Variants in TMEM255B observed in about 807,000 individuals in gnomAD.
TMEM255B encodes the protein transmembrane protein 255B, also known as family with sequence similarity 70, member B.
TMEM255B carries 35 observed loss-of-function variants against 34.5 expected under a neutral mutation model. The observed-to-expected ratio is 1.01, with a 90% CI of 0.77 to 1.34. The LOEUF is 1.34. TMEM255B is among the 40% of genes most tolerant of loss of function. The probability of loss-of-function intolerance (pLI) is 0.00; values close to 1 mark genes in which losing one functional copy is unlikely to be tolerated. For missense variants in TMEM255B, 432 were observed against 433.2 expected, an observed-to-expected ratio of 1.00 and a Z score of 0.02; for synonymous variants, 206 against 201.2, an observed-to-expected ratio of 1.02 and a Z score of -0.20.
chr13:113,801,695 C>T lies in TMEM255B; in HGVS notation c.552C>T (p.Ser184=), dbSNP rs775063208. The T allele has an allele frequency of 5.4e-5, 87 of 1,611,168 alleles. 1 individual carries two copies. Among genetic ancestry groups the T allele is most frequent in the Middle Eastern group, 1.6e-4 (1 of 6,070 alleles). Residue 184 remains serine, a synonymous_variant, in exon 7 of 9, where the codon AGC becomes AGT. Transcript: ENST00000375353. The part of the protein sequence containing the change: ...SPAYYEFIGV[S]GCQDVLHLYR... Reference sequence around the variant, plus strand: ...CCTACTATGAGTTCATCGGCGTCAGCGGCTGCCAGGACGTGCTGCACCTGT... The same window carrying T: ...CCTACTATGAGTTCATCGGCGTCAGTGGCTGCCAGGACGTGCTGCACCTGT...
chr13:113,777,961 G>A (rs2050606701), intron 3 of TMEM255B, among the ~76,000 whole-genome samples: 2 of 152,344 alleles, frequency 1.3e-5, no homozygotes, highest in Non-Finnish European at 1.5e-5. Flanking sequence ...TTTCCTGGAC[G>A]ACTGTGGACC....
chr13:113,796,287 C>A (rs111164479), intron 4 of TMEM255B, among the ~76,000 whole-genome samples: 2 of 145,152 alleles, frequency 1.4e-5, no homozygotes, highest in East Asian at 2.2e-4. Context: ...ACAGAGCACA[C>A]GCCTCACACA....
chr13:113,800,496 A>T (rs1397820227), intron 5 of TMEM255B, among the ~76,000 whole-genome samples: 1 of 152,046 alleles, frequency 6.6e-6, no homozygotes, highest in African/African-American at 2.4e-5. Context: ...TGTGCACCCC[A>T]CGCCGAAGGC....
intron 3 of TMEM255B, among the ~76,000 whole-genome samples, chr13:113,779,249 G>C (rs1016715300): frequency 1.3e-5 from 2 of 152,210 alleles, no homozygotes; most frequent in African/African-American, 2.4e-5. Context: ...ACTTAAAATG[G>C]TGGTGTTTGT....
chr13:113,808,449 C>T (rs549247520), intron 8 of TMEM255B, among the ~76,000 whole-genome samples: 50 of 152,292 alleles, frequency 3.3e-4, no homozygotes, highest in African/African-American at 1.2e-3. Flanking sequence ...AGTGGTTAAC[C>T]CCGTGGTCCC....
In TMEM255B at chr13:113,769,229, C is replaced by G; in HGVS notation, c.252+69C>G. The G allele has an allele frequency of 6.4e-7, 1 of 1,564,226 alleles. No individual in the cohort carries two copies. Among genetic ancestry groups the G allele is most frequent in the Non-Finnish European group, 8.8e-7 (1 of 1,135,426 alleles). On this transcript the variant is annotated intron_variant, in intron 3 of 8. Coordinates refer to ENST00000375353, the MANE Select transcript of TMEM255B (RefSeq NM_182614.4). The surrounding 1 kb of genome is among the most constrained non-coding windows in gnomAD (Gnocchi z 4.2). The stretch of plus-strand genomic sequence containing the variant: ...AGGGGATGGTACAGCTGCACTGGGG[C>G]TCTGAGAAGAGTCAGCCCTGCCTCC...
chr13:113,788,769 C>T (rs901464238), intron 3 of TMEM255B, among the ~76,000 whole-genome samples: 5 of 152,108 alleles, frequency 3.3e-5, no homozygotes, highest in African/African-American at 7.2e-5. Flanking sequence ...CCCTCACCAT[C>T]GCCGTCACCT....
chr13:113,790,858 A>G (rs895604162), intron 3 of TMEM255B, among the ~76,000 whole-genome samples: 2 of 152,184 alleles, frequency 1.3e-5, no homozygotes, highest in African/African-American at 4.8e-5. Context: ...GGACACGTAG[A>G]CATCCTAGCA....
rs1324632331 is a variant in TMEM255B at position 113,783,443 on chromosome 13, G to C, written c.253-11705G>C. Among the ~76,000 whole-genome samples, 4 of 152,148 alleles carry C rather than the reference G, an allele frequency of 2.6e-5. No homozygotes were observed. The East Asian group carries it at 7.7e-4, about 29-fold the overall frequency. On this transcript the variant is annotated intron_variant, in intron 3 of 8. Transcript: ENST00000375353. ...TATGCTCCTTTTCATCAGGAGTGAGGGTGGAGTTAGAATTATGTCAATGTC... is the reference window on the plus strand; with the variant it reads ...TATGCTCCTTTTCATCAGGAGTGAGCGTGGAGTTAGAATTATGTCAATGTC...
chr13:113,801,850 A>T, intron 7 of TMEM255B, 38 bp downstream of exon 7: 1 of 1,533,562 alleles, frequency 6.5e-7, no homozygotes, highest in Non-Finnish European at 8.8e-7. Flanking sequence ...GCTCACTGGG[A>T]GCCGGGGCTC....
intron 7 of TMEM255B, among the ~76,000 whole-genome samples, chr13:113,803,571 G>C (rs1211748245): frequency 8.2e-6 from 1 of 122,520 alleles, no homozygotes; most frequent in African/African-American, 2.8e-5. Flanking sequence ...CACTCGCCCC[G>C]GCCCCATCCT....
At chr13:113,780,648 A>G (rs528319222) in intron 3 of TMEM255B, among the ~76,000 whole-genome samples, 28 of 152,358 alleles carry the variant, frequency 1.8e-4, no homozygotes, top group Admixed American at 1.7e-3. Flanking sequence ...TAGCTCTTCA[A>G]GAGTCCTGAA....
intron 3 of TMEM255B, among the ~76,000 whole-genome samples, chr13:113,791,248 CAG>C (rs2050827653): frequency 2.0e-5 from 3 of 152,192 alleles, no homozygotes; most frequent in Non-Finnish European, 4.4e-5. Context: ...CACATCCTGG[CAG>C]AGTCTCTGCT....
intron 3 of TMEM255B, among the ~76,000 whole-genome samples, chr13:113,774,606 C>CACCAAATACCACATAT (rs369574394): frequency 6.8e-6 from 1 of 147,164 alleles, no homozygotes; most frequent in African/African-American, 2.6e-5. Flanking sequence ...AAATGACACA[C>CACCAAATACCACATAT]ACCACACAAT....
chr13:113,801,508 G>C lies in TMEM255B; in HGVS notation c.510-145G>C, dbSNP rs540261105. 456 of 930,738 alleles carry C rather than the reference G, an allele frequency of 4.9e-4. 7 individuals are homozygous for C. In the East Asian group the frequency reaches 0.01, roughly 21 times the overall value. 57.7% of individuals were successfully genotyped at this position (930,738 alleles called of 1,614,324 possible). A position where few individuals can be genotyped will look rare whatever the true frequency, so the allele number is the denominator to read the frequency against. The stretch of plus-strand genomic sequence containing the variant: ...CATCAGACATAGGTTTGATCTCCCA[G>C]AGCAGTGCAGGGATGGGCGTTGACT... On this transcript the variant is annotated intron_variant, in intron 6 of 8. Coordinates refer to ENST00000375353, the MANE Select transcript of TMEM255B (RefSeq NM_182614.4).
intron 1 of TMEM255B, among the ~76,000 whole-genome samples, chr13:113,759,837 T>A (rs113799699): frequency 0.015 from 2,335 of 152,308 alleles, 50 homozygotes; most frequent in African/African-American, 0.053. Flanking sequence ...CCCTCTCTCG[T>A]GTTTCTCCCC....
chr13:113,804,450 C>T (rs930880155), intron 7 of TMEM255B, among the ~76,000 whole-genome samples: 1 of 152,076 alleles, frequency 6.6e-6, no homozygotes, highest in Non-Finnish European at 1.5e-5. Flanking sequence ...TTTTTTCTCC[C>T]CCCCCAAAAA....
rs115733911 is a variant in TMEM255B, at chr13:113,794,048, G to A, written c.253-1100G>A. Among the ~76,000 whole-genome samples the A allele has an allele frequency of 6.2e-3, 948 of 152,366 alleles. 14 individuals carry two copies. The highest frequency in any genetic ancestry group is 0.022 in the African/African-American group (897 of 41,584). The stretch of plus-strand genomic sequence containing the variant: ...TTTGGCTTCTCTTTGGGTTGCGGGT[G>A]ACGATAGGTGTGCAGCCTGGGGCAG... On this transcript the variant is annotated intron_variant, in intron 3 of 8. Transcript: ENST00000375353.
chr13:113,761,230 C>A (rs2050303931), intron 1 of TMEM255B: 2 of 985,258 alleles, frequency 2.0e-6, no homozygotes, highest in Non-Finnish European at 2.4e-6. Context: ...TCTTAGAACC[C>A]TTCCAAGCAG....
Sources: allele counts gnomAD v4.1 joint callset (sites outside exome capture counted in the v4.1 genomes callset), GRCh38; gene constraint gnomAD v4.1.1; non-coding constraint Gnocchi (gnomAD v3.1); transcripts MANE v1.5; gene names NCBI Gene and HGNC (gene_info 2026-07-23, HGNC 2026-07-21).